SLC30A8: variants seen among roughly 807,000 people sequenced by gnomAD.
The protein encoded by SLC30A8 is proton-coupled zinc antiporter SLC30A8.
SLC30A8 carries 27 observed loss-of-function variants against 36.9 expected under a neutral mutation model. The observed-to-expected ratio is 0.73, with a 90% CI of 0.54 to 1.01. SLC30A8 has a LOEUF of 1.01. Among genes scored for constraint, SLC30A8 ranks in the 50% least tolerant of loss-of-function variants. The probability of loss-of-function intolerance (pLI) is 0.00; values close to 1 mark genes in which losing one functional copy is unlikely to be tolerated. For synonymous variants in SLC30A8, 164 were observed against 172.4 expected (o/e 0.95, Z 0.38); for missense variants, 439 against 452.0 (o/e 0.97, Z 0.26).
At chr8:117,027,112 T>G (rs1403420673) in intron 1 of SLC30A8, among the ~76,000 whole-genome samples, 1 of 152,160 alleles carries the variant, frequency 6.6e-6, no homozygotes, top group African/African-American at 2.4e-5. Flanking sequence ...GCAGGAGGTA[T>G]ACTGAGAATG....
chr8:117,170,504 A>C (rs1417988916), intron 6 of SLC30A8, among the ~76,000 whole-genome samples: 1 of 152,132 alleles, frequency 6.6e-6, no homozygotes, highest in Non-Finnish European at 1.5e-5. Flanking sequence ...CCTGTTGAGT[A>C]ACTAATCTTT....
chr8:117,150,403 C>T (rs985091510), intron 2 of SLC30A8, among the ~76,000 whole-genome samples: 5 of 152,106 alleles, frequency 3.3e-5, no homozygotes, highest in African/African-American at 7.2e-5. Context: ...CAGGCCCCAT[C>T]GTTCCTCTGC....
Position 117,004,257 on chromosome 8 carries a change from T to A in SLC30A8, c.-265-34962T>A, listed in dbSNP as rs1297984574. On this transcript the variant is annotated intron_variant, in intron 1 of 10. Transcript: ENST00000427715. Reference sequence around the variant, plus strand: ...AAATTCCTATCACAGCTAATGGACATGTTATTTAAAGTGTCACAAAGTTAT... The same window carrying A: ...AAATTCCTATCACAGCTAATGGACAAGTTATTTAAAGTGTCACAAAGTTAT... Among the ~76,000 whole-genome samples the A allele has an allele frequency of 3.9e-5, 6 of 152,236 alleles. No individual in the cohort carries two copies. The East Asian group carries it at 1.2e-3, about 29-fold the overall frequency.
intron 2 of SLC30A8, among the ~76,000 whole-genome samples, chr8:117,084,923 C>G (rs150389836): frequency 8.5e-4 from 129 of 152,144 alleles, no homozygotes; most frequent in African/African-American, 2.7e-3. Context: ...TTCCTGATGA[C>G]ATTATAAAGG....
At chr8:117,073,196 A>AACACTACT (rs1818382933) in intron 2 of SLC30A8, among the ~76,000 whole-genome samples, 5 of 151,942 alleles carry the variant, frequency 3.3e-5, no homozygotes, top group Non-Finnish European at 5.9e-5. Flanking sequence ...TTCTAAGACT[A>AACACTACT]GAGCTTTTTG....
Position 117,135,403 on chromosome 8 carries a change from T to A in SLC30A8, c.71+5T>A, listed in dbSNP as rs1563618742. ...GTATGCTTTCACACTAGAAAGGTAATAGATGTCTGTGTCTGCTTCACAATT... is the reference window on the plus strand; with the variant it reads ...GTATGCTTTCACACTAGAAAGGTAAAAGATGTCTGTGTCTGCTTCACAATT... On this transcript the variant is annotated splice_donor_5th_base_variant and intron_variant, in intron 1 of 7. Coordinates refer to ENST00000456015, the MANE Select transcript of SLC30A8 (RefSeq NM_173851.3). The A allele has an allele frequency of 6.3e-7, 1 of 1,575,628 alleles. No individual in the cohort carries two copies. The highest frequency in any genetic ancestry group is 1.2e-5 in the South Asian group (1 of 84,084).
chr8:117,161,579 T>C (rs1047415114), intron 4 of SLC30A8, among the ~76,000 whole-genome samples, 159 bp from the exon 5 acceptor site: 2 of 152,256 alleles, frequency 1.3e-5, no homozygotes, highest in African/African-American at 2.4e-5. Flanking sequence ...CTATGACATA[T>C]GTATTTAAAC....
At chr8:117,076,853 C>A (rs1286402928) in intron 2 of SLC30A8, among the ~76,000 whole-genome samples, 1 of 151,696 alleles carries the variant, frequency 6.6e-6, no homozygotes, top group Non-Finnish European at 1.5e-5. Flanking sequence ...GACTGATGAA[C>A]TAAACTAATA....
At chr8:116,980,235 A>G (rs1395570743) in intron 1 of SLC30A8, among the ~76,000 whole-genome samples, 1 of 152,174 alleles carries the variant, frequency 6.6e-6, no homozygotes. Flanking sequence ...CTGTTTAGTT[A>G]TTGTGATTTA....
chr8:116,992,580 G>C (rs1815680515), intron 1 of SLC30A8, among the ~76,000 whole-genome samples: 1 of 152,088 alleles, frequency 6.6e-6, no homozygotes, highest in South Asian at 2.1e-4. Flanking sequence ...TTAGAGAGCA[G>C]GACTAGCAAA....
At chr8:117,154,618 A>G (rs1056067281) in intron 3 of SLC30A8, among the ~76,000 whole-genome samples, 5 of 152,206 alleles carry the variant, frequency 3.3e-5, no homozygotes, top group Non-Finnish European at 7.3e-5. Flanking sequence ...AAACAGCAGT[A>G]AAGAGAGTTT....
At chr8:117,139,783 G>A (rs747203389) in intron 1 of SLC30A8, among the ~76,000 whole-genome samples, 3 of 151,022 alleles carry the variant, frequency 2.0e-5, no homozygotes, top group Middle Eastern at 3.5e-3. Flanking sequence ...AAGAAAGACT[G>A]CATCTACCCA....
rs980249865 is a variant in SLC30A8, at chr8:117,163,842, A to G, written c.829+312A>G. ...GAAAAGACCTAAGAAAAAAAACTAC[A>G]TAAGTTTACCCCCCAGGCTGCATTA... On this transcript the variant is annotated intron_variant, in intron 6 of 7. Transcript: ENST00000456015. The G allele has an allele frequency of 2.6e-5, 5 of 189,614 alleles. No individual in the cohort carries two copies. The East Asian group carries it at 4.0e-4, about 15-fold the overall frequency. The allele number at this position is 189,614 out of a possible 1,614,324, so 11.7% of individuals were successfully genotyped here.
chr8:117,008,638 G>A (rs1384012556), intron 1 of SLC30A8, among the ~76,000 whole-genome samples: 2 of 152,136 alleles, frequency 1.3e-5, no homozygotes, highest in East Asian at 1.9e-4. Context: ...GTTTATAGAT[G>A]TTCCTGACCT....
At chr8:117,126,877 A>G (rs764910677) in intron 2 of SLC30A8, among the ~76,000 whole-genome samples, 4 of 152,076 alleles carry the variant, frequency 2.6e-5, no homozygotes, top group Non-Finnish European at 4.4e-5. Context: ...TGAGGAGGTG[A>G]TATCTGGCAG....
At chr8:117,099,028 G>T (rs1819593771) in intron 2 of SLC30A8, among the ~76,000 whole-genome samples, 1 of 152,150 alleles carries the variant, frequency 6.6e-6, no homozygotes, top group Non-Finnish European at 1.5e-5. Context: ...TAAACTCAGG[G>T]ATGAATTCTA....
intron 2 of SLC30A8, among the ~76,000 whole-genome samples, chr8:117,085,257 T>A (rs114139745): frequency 0.033 from 4,996 of 152,224 alleles, 187 homozygotes; most frequent in African/African-American, 0.097. Flanking sequence ...TAAAGATTAG[T>A]TCTCTTAAGA....
chr8:117,036,204 T>A (rs1221719569), intron 1 of SLC30A8, among the ~76,000 whole-genome samples: 1 of 152,174 alleles, frequency 6.6e-6, no homozygotes, highest in Non-Finnish European at 1.5e-5. Flanking sequence ...AAACATAAAT[T>A]TCTCATCTCC....
intron 1 of SLC30A8, among the ~76,000 whole-genome samples, chr8:116,978,212 G>A (rs978562347): frequency 6.6e-6 from 1 of 151,904 alleles, no homozygotes; most frequent in South Asian, 2.1e-4. Flanking sequence ...GTCTTAGCCT[G>A]GTACCTTGCA....
Sources: allele counts gnomAD v4.1 joint callset (sites outside exome capture counted in the v4.1 genomes callset), GRCh38; gene constraint gnomAD v4.1.1; transcripts MANE v1.5; gene names NCBI Gene and HGNC (gene_info 2026-07-23, HGNC 2026-07-21).